TUSC3: variants seen among roughly 807,000 people sequenced by gnomAD.
TUSC3 encodes dolichyl-diphosphooligosaccharide--protein glycosyltransferase subunit TUSC3.
Under a neutral mutation model 44.8 loss-of-function variants are expected in TUSC3, and 45 were observed. That is an observed-to-expected ratio of 1.00 (90% confidence interval 0.79 to 1.29). TUSC3 has a LOEUF of 1.29. Among genes scored for constraint, TUSC3 ranks in the 50% most tolerant of loss-of-function variants. TUSC3 has a pLI of 0.00. For missense variants in TUSC3, 519 were observed against 437.9 expected (o/e 1.19, Z -1.65); for synonymous variants, 212 against 152.9 (o/e 1.39, Z -2.85).
intron 1 of TUSC3, among the ~76,000 whole-genome samples, chr8:15,425,023 T>G (rs1468543473): frequency 1.3e-5 from 2 of 152,286 alleles, no homozygotes; most frequent in East Asian, 1.9e-4. Flanking sequence ...AGGATGGAAG[T>G]GCTCAACTCT....
At chr8:15,670,448 GT>G (rs1461478691) in intron 5 of TUSC3, among the ~76,000 whole-genome samples, 1 of 151,860 alleles carries the variant, frequency 6.6e-6, no homozygotes, top group African/African-American at 2.4e-5. Context: ...CAGTGAGTAA[GT>G]ATGGCATTTT....
intron 1 of TUSC3, among the ~76,000 whole-genome samples, chr8:15,588,459 G>A (rs1213169785): frequency 2.6e-5 from 4 of 151,982 alleles, no homozygotes; most frequent in Non-Finnish European, 4.4e-5. Flanking sequence ...CTGGATATTC[G>A]TTCCTTGTTG....
chr8:15,604,415 A>T (rs908992736), intron 1 of TUSC3, among the ~76,000 whole-genome samples: 1 of 151,742 alleles, frequency 6.6e-6, no homozygotes, highest in African/African-American at 2.4e-5. Flanking sequence ...GTCATTGATG[A>T]GTACGTGGGT....
the TUSC3 span, among the ~76,000 whole-genome samples, chr8:15,772,600 A>C: frequency 6.6e-6 from 1 of 152,200 alleles, no homozygotes; most frequent in Non-Finnish European, 1.5e-5. Context: ...AAGAATGAAC[A>C]CAATCTTTCT....
At chr8:15,500,905 C>T (rs1800955123) in intron 2 of TUSC3, among the ~76,000 whole-genome samples, 1 of 152,174 alleles carries the variant, frequency 6.6e-6, no homozygotes, top group Non-Finnish European at 1.5e-5. Flanking sequence ...TTTTCAAGAG[C>T]AACCAAACAT....
intron 9 of TUSC3, chr8:15,748,811 C>A (rs578056165): frequency 8.3e-5 from 41 of 495,536 alleles, no homozygotes; most frequent in Admixed American, 1.7e-4. Context: ...ATATAATTCA[C>A]TGTTCATTGT....
At chr8:15,810,498 T>A in the TUSC3 span, among the ~76,000 whole-genome samples, 3 of 151,372 alleles carry the variant, frequency 2.0e-5, no homozygotes, top group South Asian at 6.3e-4. Flanking sequence ...CTTAGCTGGG[T>A]GTGGTGGCAC....
intron 2 of TUSC3, among the ~76,000 whole-genome samples, chr8:15,488,989 G>A (rs1487589623): frequency 6.6e-6 from 1 of 152,170 alleles, no homozygotes; most frequent in Non-Finnish European, 1.5e-5. Flanking sequence ...ATTCAGGATA[G>A]AGTGTGTTGA....
At chr8:15,618,543 C>A (rs1805097445) in intron 1 of TUSC3, among the ~76,000 whole-genome samples, 1 of 152,154 alleles carries the variant, frequency 6.6e-6, no homozygotes, top group Non-Finnish European at 1.5e-5. Context: ...GGGGGGTCTT[C>A]AGGTGCAATA....
At chr8:15,806,404 A>C in the TUSC3 span, 1 of 720,468 alleles carries the variant, frequency 1.4e-6, no homozygotes. Flanking sequence ...GCTTCTGGTG[A>C]TACTTTGGGT....
intron 2 of TUSC3, among the ~76,000 whole-genome samples, chr8:15,525,681 T>C (rs1585076098): frequency 6.6e-6 from 1 of 152,024 alleles, no homozygotes; most frequent in African/African-American, 2.4e-5. Context: ...CTCATGGTGG[T>C]TGGAGGATTC....
intron 3 of TUSC3, among the ~76,000 whole-genome samples, chr8:15,658,099 A>G (rs1478222239): frequency 1.3e-5 from 2 of 152,168 alleles, no homozygotes; most frequent in African/African-American, 4.8e-5. Flanking sequence ...TTAGATTTTC[A>G]ACATGAGTTT....
At chr8:15,504,300 T>C (rs964712742) in intron 2 of TUSC3, among the ~76,000 whole-genome samples, 2 of 151,948 alleles carry the variant, frequency 1.3e-5, no homozygotes, top group African/African-American at 4.8e-5. Flanking sequence ...CAGTGCAGTT[T>C]AACTTATTGA....
intron 1 of TUSC3, among the ~76,000 whole-genome samples, chr8:15,454,750 G>T (rs1388506756): frequency 6.6e-6 from 1 of 152,122 alleles, no homozygotes; most frequent in African/African-American, 2.4e-5. Context: ...AAGTCTTGCA[G>T]CAAAGTAGGT....
chr8:15,518,032 C>G (rs1030136573), intron 2 of TUSC3, among the ~76,000 whole-genome samples: 3 of 151,906 alleles, frequency 2.0e-5, no homozygotes, highest in African/African-American at 7.2e-5. Context: ...CTCCTCCTTA[C>G]CCCTTTTGCC....
At chr8:15,508,554 C>T (rs1414711608) in intron 2 of TUSC3, among the ~76,000 whole-genome samples, 4 of 147,508 alleles carry the variant, frequency 2.7e-5, no homozygotes, top group Admixed American at 6.9e-5. Context: ...CTCCGCCTCC[C>T]GGGTTCGTGC....
At chr8:15,689,256 G>C (rs750268155) in intron 6 of TUSC3, 1 of 352,294 alleles carries the variant, frequency 2.8e-6, no homozygotes, top group East Asian at 8.5e-5. Flanking sequence ...GATGGGAATC[G>C]ATCCACTTGT....
chr8:15,775,381 T>C, the TUSC3 span, among the ~76,000 whole-genome samples: 1 of 152,176 alleles, frequency 6.6e-6, no homozygotes, highest in Admixed American at 6.6e-5. Context: ...AGAGTGATGA[T>C]GATTGCATAA....
chr8:15,740,653 G>A (rs1811153665), intron 7 of TUSC3, among the ~76,000 whole-genome samples: 1 of 152,116 alleles, frequency 6.6e-6, no homozygotes, highest in South Asian at 2.1e-4. Flanking sequence ...ATCAATAATT[G>A]GGTAGTATTG....
Sources: gnomAD v4.1 joint callset for allele counts (sites outside exome capture counted in the v4.1 genomes callset) on GRCh38, gnomAD v4.1.1 for gene constraint, MANE v1.5 for transcripts, NCBI Gene and HGNC (gene_info 2026-07-23, HGNC 2026-07-21) for gene names.